Variants in LCOR observed in about 807,000 individuals in gnomAD.
The protein encoded by LCOR is ligand dependent nuclear receptor corepressor.
LCOR carries 14 observed loss-of-function variants against 64.4 expected under a neutral mutation model. That is an observed-to-expected ratio of 0.22 (90% CI 0.14 to 0.34). The LOEUF (loss-of-function observed/expected upper bound fraction) is 0.34, where lower values mean the gene tolerates loss of function less well. Among genes scored for constraint, LCOR ranks in the 10% least tolerant of loss-of-function variants. LCOR has a pLI of 1.00. For synonymous variants in LCOR, 643 were observed against 642.5 expected (o/e 1.00, Z -0.01); for missense variants, 1,686 against 1,765.3 (o/e 0.96, Z 0.80).
chr10:96,973,866 A>G (rs967736261), intron 7 of LCOR, among the ~76,000 whole-genome samples: 1 of 152,224 alleles, frequency 6.6e-6, no homozygotes, highest in African/African-American at 2.4e-5. Context: ...GTAAATACCT[A>G]AATTCATCAC....
intron 7 of LCOR, chr10:96,955,452 T>C: frequency 6.2e-7 from 1 of 1,614,150 alleles, no homozygotes; most frequent in South Asian, 1.1e-5. Context: ...CTATAGCTCT[T>C]TGGTAATGGG....
At chr10:96,843,863 G>GT (rs943141287) in intron 2 of LCOR, among the ~76,000 whole-genome samples, 3 of 152,120 alleles carry the variant, frequency 2.0e-5, no homozygotes, top group Non-Finnish European at 4.4e-5. Context: ...ATATGGAGAA[G>GT]TTTTTGCTTC....
chr10:96,988,550 G>A lies in LCOR; in HGVS notation c.*3416G>A, dbSNP rs1411465270. The stretch of plus-strand genomic sequence containing the variant: ...CTGTTCAGATAGGTCATCAGTAAAA[G>A]GCATCACTTCAAGATAATTACTTTG... On this transcript the variant is annotated 3_prime_UTR_variant, in exon 8 of 8. Transcript: ENST00000421806. 1 of 152,150 alleles carries A rather than the reference G, an allele frequency of 6.6e-6. No individual in the cohort carries two copies. The highest frequency in any genetic ancestry group is 1.5e-5 in the Non-Finnish European group (1 of 68,024). The allele number at this position is 152,150 out of a possible 1,614,324, so 9.4% of individuals were successfully genotyped here. A position where few individuals can be genotyped will look rare whatever the true frequency, so the allele number is the denominator to read the frequency against.
chr10:96,910,780 G>C (rs928218669), intron 4 of LCOR, among the ~76,000 whole-genome samples: 1 of 152,182 alleles, frequency 6.6e-6, no homozygotes, highest in East Asian at 1.9e-4. Flanking sequence ...ATTTGGAAAA[G>C]CACTTAGAAA....
intron 2 of LCOR, among the ~76,000 whole-genome samples, chr10:96,835,660 T>C (rs989958673): frequency 3.9e-5 from 6 of 152,258 alleles, no homozygotes; most frequent in Non-Finnish European, 8.8e-5. Flanking sequence ...TTCTCTTGAC[T>C]GATTATCTTA....
At chr10:96,885,363 A>G (rs1418860535) in intron 2 of LCOR, among the ~76,000 whole-genome samples, 1 of 151,818 alleles carries the variant, frequency 6.6e-6, no homozygotes, top group Non-Finnish European at 1.5e-5. Flanking sequence ...TTAGGATGTT[A>G]ATTAGGTTTT....
rs1244209252 is a variant in LCOR, at chr10:96,982,087, A to C, written c.1627A>C (p.Lys543Gln). 6.2e-7 allele frequency: 1 copy of C among 1,614,152 alleles called. No individual in the cohort carries two copies. Among genetic ancestry groups the C allele is most frequent in the Admixed American group, 1.7e-5 (1 of 60,028 alleles). Residue 543 changes from lysine (K) to glutamine (Q), a missense_variant, in exon 8 of 8, where the codon AAG becomes CAG. Physicochemically the swap from Lys to Gln is moderately conservative, Grantham distance 53. Transcript: ENST00000421806. ...GGCATCAGAGGCAGTTTTCACTCCTAAGCAGACCCTTACAATTCCAGCCCC... is the reference window on the plus strand; with the variant it reads ...GGCATCAGAGGCAGTTTTCACTCCTCAGCAGACCCTTACAATTCCAGCCCC... ...ALASEAVFTP[K>Q]QTLTIPAPRH...
chr10:96,965,685 G>T (rs1235664063), intron 7 of LCOR, among the ~76,000 whole-genome samples: 3 of 130,338 alleles, frequency 2.3e-5, no homozygotes, highest in South Asian at 2.5e-4. Flanking sequence ...AAAAAAAAAA[G>T]ACGGGCTATC....
Position 96,833,394 on chromosome 10 carries a change from T to C in LCOR, c.-403-12T>C, listed in dbSNP as rs1369031873. 8 of 985,724 alleles carry C rather than the reference T, an allele frequency of 8.1e-6. No homozygotes were observed. The highest frequency in any genetic ancestry group is 9.6e-6 in the Non-Finnish European group (8 of 829,962). The allele number at this position is 985,724 out of a possible 1,614,324, so 61.1% of individuals were successfully genotyped here. ...CTCACACTGTGTGTTTTGTCTGTTT[T>C]TCTCTCCCAAGGTCCCGTTTCCCTC... On this transcript the variant is annotated splice_polypyrimidine_tract_variant and intron_variant, in intron 1 of 7. Transcript: ENST00000421806.
intron 2 of LCOR, among the ~76,000 whole-genome samples, chr10:96,860,295 A>G (rs375261684): frequency 7.2e-5 from 11 of 152,296 alleles, no homozygotes; most frequent in African/African-American, 2.4e-4. Context: ...AGATGAAGTC[A>G]TACTATATTA....
Position 96,982,526 on chromosome 10 carries a change from C to T in LCOR, c.2066C>T (p.Pro689Leu), listed in dbSNP as rs776630981. 1.9e-6 allele frequency: 3 copies of T among 1,614,138 alleles called. No homozygotes were observed. The highest frequency in any genetic ancestry group is 1.1e-5 in the South Asian group (1 of 91,082). Reference sequence around the variant, plus strand: ...GTCAGTGAAGATGTCATTTCTAGGCCTCATTCTCCTCCTGAAATAGTCAGT... The same window carrying T: ...GTCAGTGAAGATGTCATTTCTAGGCTTCATTCTCCTCCTGAAATAGTCAGT... ...GGVSEDVISR[P>L]HSPPEIVSRE... is the part of the protein sequence containing the mutation. The change falls in exon 8 of 8, where the codon CCT (proline) becomes CTT (leucine). Residue 689 changes from proline to leucine, a missense_variant. Physicochemically the swap from Pro to Leu is moderately conservative, Grantham distance 98 (BLOSUM62 -3). This residue lies in a region of LCOR where 1,293 missense variants were observed against 1,410.4 expected (regional missense o/e 0.92). Coordinates refer to ENST00000421806, the MANE Select transcript of LCOR (RefSeq NM_001346516.2).
chr10:96,938,863 C>T (rs1167300517), intron 4 of LCOR, among the ~76,000 whole-genome samples: 1 of 151,936 alleles, frequency 6.6e-6, no homozygotes. Flanking sequence ...CAAAATGTTA[C>T]TGAAAGAAAT....
intron 4 of LCOR, among the ~76,000 whole-genome samples, chr10:96,939,260 G>T (rs569891766): frequency 3.9e-5 from 6 of 152,148 alleles, no homozygotes; most frequent in South Asian, 2.1e-4. Context: ...GGAAAGAATT[G>T]TTTTTTCACC....
intron 4 of LCOR, among the ~76,000 whole-genome samples, chr10:96,920,696 G>GCATATATA (rs1302042159): frequency 0.013 from 1,727 of 135,312 alleles, 115 homozygotes; most frequent in African/African-American, 0.052. Context: ...GTGTATATAT[G>GCATATATA]TTCATATATG....
intron 4 of LCOR, among the ~76,000 whole-genome samples, chr10:96,927,369 A>G (rs943992620): frequency 6.6e-6 from 1 of 152,026 alleles, no homozygotes; most frequent in Non-Finnish European, 1.5e-5. Flanking sequence ...AATTCTTTAT[A>G]TATTTTGTAT....
intron 7 of LCOR, among the ~76,000 whole-genome samples, chr10:96,975,298 A>AT: frequency 6.6e-6 from 1 of 152,336 alleles, no homozygotes; most frequent in East Asian, 1.9e-4. Context: ...GTTAGCTGTT[A>AT]TAACAGGGCC....
chr10:96,935,453 C>T (rs1412511112), intron 4 of LCOR, among the ~76,000 whole-genome samples: 1 of 152,102 alleles, frequency 6.6e-6, no homozygotes, highest in Non-Finnish European at 1.5e-5. Flanking sequence ...CTGGTCATCT[C>T]CTGGCTATTT....
At chr10:96,836,007 A>G (rs1201772503) in intron 2 of LCOR, among the ~76,000 whole-genome samples, 1 of 152,178 alleles carries the variant, frequency 6.6e-6, no homozygotes, top group Non-Finnish European at 1.5e-5. Context: ...GCTTTCCTGC[A>G]CCTTGCCCTT....
rs1020951838 is a variant in LCOR, at chr10:96,833,471, C to T, written c.-338C>T. The T allele has an allele frequency of 1.3e-5, 13 of 985,792 alleles. No homozygotes were observed. Among genetic ancestry groups the T allele is most frequent in the African/African-American group, 7.0e-5 (4 of 57,246 alleles). The allele number at this position is 985,792 out of a possible 1,614,324, so 61.1% of individuals were successfully genotyped here. Reference sequence around the variant, plus strand: ...GGCTTAACTCATATATTTAACCCCCCTCCAAAAAGTAAGTGGCCCGTGTGG... The same window carrying T: ...GGCTTAACTCATATATTTAACCCCCTTCCAAAAAGTAAGTGGCCCGTGTGG... On this transcript the variant is annotated 5_prime_UTR_variant, in exon 2 of 8. Transcript: ENST00000421806.
Sources: gnomAD v4.1 joint callset for allele counts (sites outside exome capture counted in the v4.1 genomes callset) on GRCh38, gnomAD v4.1.1 for gene constraint, gnomAD v4.1.1 regional missense constraint, MANE v1.5 for transcripts, NCBI Gene and HGNC (gene_info 2026-07-23, HGNC 2026-07-21) for gene names.